The following ZBTB16 variants were observed in gnomAD, a reference collection of about 807,000 sequenced individuals.
ZBTB16 encodes the protein zinc finger and BTB domain containing 16.
ZBTB16 carries 8 observed loss-of-function variants against 56.8 expected under a neutral mutation model. The observed-to-expected ratio is 0.14, with a 90% CI of 0.08 to 0.25. The LOEUF (loss-of-function observed/expected upper bound fraction) is 0.25, where lower values mean the gene tolerates loss of function less well. Ranked by LOEUF, ZBTB16 falls within the 10% of genes least tolerant of loss-of-function variation. The pLI is 1.00. For missense variants in ZBTB16, 625 were observed against 903.0 expected (o/e 0.69, Z 3.95); for synonymous variants, 363 against 368.5 (o/e 0.98, Z 0.17).
chr11:114,104,685 A>G (rs1940728671), intron 2 of ZBTB16, among the ~76,000 whole-genome samples: 1 of 152,202 alleles, frequency 6.6e-6, no homozygotes, highest in South Asian at 2.1e-4. Flanking sequence ...GGGCCCTGGG[A>G]ACAACTCACC....
chr11:114,209,490 G>A, intron 4 of ZBTB16: 1 of 985,300 alleles, frequency 1.0e-6, no homozygotes, highest in Non-Finnish European at 1.2e-6. Flanking sequence ...CCTCTCCCCA[G>A]ACCCTTCAGC....
At position 114,060,109 on chromosome 11, in the gene ZBTB16, C is replaced by G. The variant is rs1409823727; in HGVS notation, c.-91+227C>G. 8.1e-6 allele frequency: 2 copies of G among 247,542 alleles called. No individual in the cohort carries two copies. The highest frequency in any genetic ancestry group is 4.5e-5 in the African/African-American group (2 of 44,880). The allele number at this position is 247,542 out of a possible 1,614,324, so 15.3% of individuals were successfully genotyped here. ...CGGCTGTCAGCCTGGGCGCAGCTGC[C>G]TCCCCAGCCCTTCCTCTTCAGGGCA... On this transcript the variant is annotated intron_variant, in intron 1 of 6. Coordinates refer to ENST00000335953, the MANE Select transcript of ZBTB16 (RefSeq NM_006006.6). The surrounding 1 kb of genome is among the most constrained non-coding windows in gnomAD (Gnocchi z 6.0).
intron 2 of ZBTB16, among the ~76,000 whole-genome samples, chr11:114,103,730 G>A (rs888517614): frequency 6.6e-6 from 1 of 152,058 alleles, no homozygotes; most frequent in Non-Finnish European, 1.5e-5. Context: ...TAGAGGTAAC[G>A]TTTAACCCAT....
chr11:114,062,069 C>T (rs1017878618), intron 1 of ZBTB16, among the ~76,000 whole-genome samples: 2 of 151,974 alleles, frequency 1.3e-5, no homozygotes, highest in Non-Finnish European at 2.9e-5. Flanking sequence ...AGGTACGACA[C>T]CTTACGTAAG....
Position 114,250,416 on chromosome 11 carries a change from C to T in ZBTB16, c.1883C>T (p.Ser628Leu), listed in dbSNP as rs767860341. Residue 628 changes from serine (S) to leucine (L), a missense_variant, in exon 7 of 7, where the codon TCG becomes TTG. Physicochemically the swap from Ser to Leu is moderately radical, Grantham distance 145. Transcript: ENST00000335953. The surrounding 1 kb of genome is among the most constrained non-coding windows in gnomAD (Gnocchi z 6.0). ...IKHLRTHNGA[S>L]PYQCTICTEY... ...CACCTGAGAACGCACAACGGCGCCT[C>T]GCCCTACCAGTGCACCATCTGCACA... The T allele has an allele frequency of 2.0e-5, 32 of 1,614,038 alleles. No individual in the cohort carries two copies. Among genetic ancestry groups the T allele is most frequent in the Non-Finnish European group, 2.5e-5 (29 of 1,180,048 alleles).
intron 2 of ZBTB16, among the ~76,000 whole-genome samples, chr11:114,149,258 C>T (rs1436194879): frequency 6.6e-6 from 1 of 152,134 alleles, no homozygotes; most frequent in Non-Finnish European, 1.5e-5. Flanking sequence ...AGAGCCAGGT[C>T]CCCTGCACTC....
intron 4 of ZBTB16, among the ~76,000 whole-genome samples, chr11:114,202,532 G>A (rs1326263524): frequency 6.6e-6 from 1 of 152,168 alleles, no homozygotes; most frequent in Non-Finnish European, 1.5e-5. Context: ...CAGTGACACA[G>A]GCAATAGGAA....
Position 114,256,022 on chromosome 11 carries a change from G to GTTTTTTTTTTTTTTT in ZBTB16, c.*5479_*5480insTTTTTTTTTTTTTTT, listed in dbSNP as rs61107073. Among the ~76,000 whole-genome samples, 1 of 143,082 alleles carries GTTTTTTTTTTTTTTT rather than the reference G, an allele frequency of 7.0e-6. No homozygotes were observed. 93.9% of individuals were successfully genotyped at this position (143,082 alleles called of 152,430 possible). ...TTATTGAAGTACTTGGTTTTGTTTT[G>GTTTTTTTTTTTTTTT]TTTTTTTTTTTTGTTTTTTTTGCCT... On this transcript the variant is annotated 3_prime_UTR_variant, in exon 7 of 7. Coordinates refer to ENST00000335953, the MANE Select transcript of ZBTB16 (RefSeq NM_006006.6).
intron 2 of ZBTB16, among the ~76,000 whole-genome samples, chr11:114,138,341 C>T (rs1323931289): frequency 6.6e-6 from 1 of 152,072 alleles, no homozygotes; most frequent in Non-Finnish European, 1.5e-5. Flanking sequence ...GTGGTGTTCC[C>T]CGATGGCAAT....
rs1944915802 is a variant in ZBTB16 at position 114,251,471 on chromosome 11, C to T, written c.*916C>T. 6.6e-6 allele frequency among the ~76,000 whole-genome samples: 1 copy of T among 152,208 alleles called. No homozygotes were observed. The highest frequency in any genetic ancestry group is 2.4e-5 in the African/African-American group (1 of 41,448). On this transcript the variant is annotated 3_prime_UTR_variant, in exon 7 of 7. Coordinates refer to ENST00000335953, the MANE Select transcript of ZBTB16 (RefSeq NM_006006.6). ...AATACCTAATATCCTACCAAACAAACCACAGTCCCTACGTAGCCCTACTTC... is the reference window on the plus strand; with the variant it reads ...AATACCTAATATCCTACCAAACAAATCACAGTCCCTACGTAGCCCTACTTC...
At chr11:114,140,033 T>C (rs1857582355) in intron 2 of ZBTB16, among the ~76,000 whole-genome samples, 1 of 151,880 alleles carries the variant, frequency 6.6e-6, no homozygotes, top group Non-Finnish European at 1.5e-5. Flanking sequence ...TTGTCTGCTT[T>C]TCAACCCCAC....
chr11:114,148,383 TCCTTCCTCCTTC>T (rs1380269115), intron 2 of ZBTB16, among the ~76,000 whole-genome samples: 5 of 123,384 alleles, frequency 4.1e-5, no homozygotes, highest in African/African-American at 1.7e-4. Flanking sequence ...CTTCCTTCCT[TCCTTCCTCCTTC>T]CCTCCCTCCC....
intron 2 of ZBTB16, among the ~76,000 whole-genome samples, chr11:114,066,791 A>G (rs1172485348): frequency 2.4e-5 from 1 of 41,216 alleles, no homozygotes; most frequent in Admixed American, 2.9e-4. Context: ...TTTTTTTTTG[A>G]GACGGAGTCT....
intron 4 of ZBTB16, among the ~76,000 whole-genome samples, chr11:114,233,191 C>T (rs382312): frequency 0.54 from 80,507 of 148,708 alleles, 24,329 homozygotes; most frequent in East Asian, 0.71. Flanking sequence ...TTAATTCATT[C>T]TGGAATGTCT....
chr11:114,155,142 G>A (rs776500148), intron 2 of ZBTB16, among the ~76,000 whole-genome samples: 1 of 152,232 alleles, frequency 6.6e-6, no homozygotes, highest in South Asian at 2.1e-4. Context: ...CATTTTGATG[G>A]AGATAGAGGG....
chr11:114,136,082 A>G (rs1309295563), intron 2 of ZBTB16, among the ~76,000 whole-genome samples: 8 of 152,028 alleles, frequency 5.3e-5, no homozygotes, highest in Non-Finnish European at 1.2e-4. Flanking sequence ...AATGCCATTG[A>G]ATTCATTAGG....
chr11:114,215,380 T>C (rs186773321), intron 4 of ZBTB16, among the ~76,000 whole-genome samples: 30 of 152,148 alleles, frequency 2.0e-4, no homozygotes, highest in African/African-American at 6.8e-4. Context: ...TTCTGGAGGA[T>C]TGAGATGGGT....
At position 114,064,239 on chromosome 11, in the gene ZBTB16, C is replaced by G. The variant is rs143295857; in HGVS notation, c.939C>G (p.Gly313=). 1.2e-6 allele frequency: 2 copies of G among 1,613,850 alleles called. No individual in the cohort carries two copies. The highest frequency in any genetic ancestry group is 3.3e-5 in the Admixed American group (2 of 59,998). Residue 313 remains glycine (G), a synonymous_variant, in exon 2 of 7, where the codon GGC becomes GGG. Transcript: ENST00000335953. The surrounding 1 kb of genome is among the most constrained non-coding windows in gnomAD (Gnocchi z 4.2). ...AEQVPPPAEA[G]QAPTGRPEHP... ...AGGTGCCACCCCCAGCTGAGGCTGG[C>G]CAGGCCCCCACTGGCCGACCTGAGC... is the stretch of plus-strand genomic sequence containing the variant.
chr11:114,237,958 G>C (rs941524047), intron 4 of ZBTB16, among the ~76,000 whole-genome samples: 19 of 152,184 alleles, frequency 1.2e-4, no homozygotes, highest in Non-Finnish European at 4.4e-5. Flanking sequence ...CGTGACCAAG[G>C]AGCACCCCTG....
Sources: allele counts gnomAD v4.1 joint callset (sites outside exome capture counted in the v4.1 genomes callset), GRCh38; gene constraint gnomAD v4.1.1; non-coding constraint Gnocchi (gnomAD v3.1); transcripts MANE v1.5; gene names NCBI Gene and HGNC (gene_info 2026-07-23, HGNC 2026-07-21).